Variants in SGCD observed in about 807,000 individuals in gnomAD.
The protein encoded by SGCD is sarcoglycan delta, also known as delta-sarcoglycan.
SGCD carries 18 observed loss-of-function variants against 36.6 expected under a neutral mutation model. The observed-to-expected ratio is 0.49, with a 90% confidence interval of 0.34 to 0.73. The LOEUF is 0.73. Ranked by LOEUF, SGCD falls within the 30% of genes least tolerant of loss-of-function variation. SGCD has a pLI of 0.01. For missense variants in SGCD, 387 were observed against 346.7 expected (o/e 1.12, Z -0.92); for synonymous variants, 133 against 130.6 (o/e 1.02, Z -0.12).
At chr5:156,634,978 C>T (rs577193605) in intron 6 of SGCD, among the ~76,000 whole-genome samples, 2 of 152,230 alleles carry the variant, frequency 1.3e-5, no homozygotes, top group East Asian at 3.9e-4. Context: ...AATCCCAATG[C>T]TTTGACGGCT....
At chr5:156,619,280 C>G (rs1157367282) in intron 6 of SGCD, among the ~76,000 whole-genome samples, 1 of 152,132 alleles carries the variant, frequency 6.6e-6, no homozygotes, top group Non-Finnish European at 1.5e-5. Context: ...CCACCTCGGC[C>G]TCCCAAAGTG....
At chr5:155,876,636 A>G (rs144039780) in intron 1 of SGCD, among the ~76,000 whole-genome samples, 2 of 152,014 alleles carry the variant, frequency 1.3e-5, no homozygotes, top group Non-Finnish European at 2.9e-5. Flanking sequence ...TTCTTCCTTG[A>G]TATTCTCTAT....
intron 3 of SGCD, among the ~76,000 whole-genome samples, chr5:156,345,696 TAACAAACCAAGA>T (rs147474879): frequency 2.4e-4 from 37 of 152,024 alleles, no homozygotes; most frequent in Non-Finnish European, 3.2e-4. Context: ...AAAAAACAAA[TAACAAACCAAGA>T]AACAAACCAA....
chr5:155,819,030 T>C, the SGCD span, among the ~76,000 whole-genome samples: 1 of 152,190 alleles, frequency 6.6e-6, no homozygotes, highest in Non-Finnish European at 1.5e-5. Flanking sequence ...GAAAGAGAAC[T>C]AGACTGAGTG....
intron 3 of SGCD, among the ~76,000 whole-genome samples, chr5:156,292,909 G>C (rs1038473385): frequency 6.6e-6 from 1 of 152,012 alleles, no homozygotes; most frequent in African/African-American, 2.4e-5. Context: ...TTGGAGAAAT[G>C]TCTGTTTGTG....
intron 6 of SGCD, among the ~76,000 whole-genome samples, chr5:156,641,289 T>C (rs1763016956): frequency 6.6e-6 from 1 of 152,192 alleles, no homozygotes; most frequent in Non-Finnish European, 1.5e-5. Context: ...AGTATTTAAA[T>C]ATCAGATTGT....
the SGCD span, among the ~76,000 whole-genome samples, chr5:155,814,406 T>C: frequency 6.6e-6 from 1 of 152,230 alleles, no homozygotes; most frequent in Non-Finnish European, 1.5e-5. Flanking sequence ...TTCTCATTGC[T>C]CCTTCTGTTT....
intron 1 of SGCD, among the ~76,000 whole-genome samples, chr5:155,903,872 C>A (rs1013688782): frequency 6.6e-6 from 1 of 152,110 alleles, no homozygotes; most frequent in Non-Finnish European, 1.5e-5. Context: ...ACTTACTGTG[C>A]GTGTTCTCCT....
intron 3 of SGCD, among the ~76,000 whole-genome samples, chr5:156,374,375 CA>C (rs1770547646): frequency 6.6e-6 from 1 of 152,040 alleles, no homozygotes; most frequent in Non-Finnish European, 1.5e-5. Flanking sequence ...TAGCATAACG[CA>C]AAAGTAATCT....
chr5:156,237,128 C>T (rs776716189), intron 3 of SGCD, among the ~76,000 whole-genome samples: 41 of 151,994 alleles, frequency 2.7e-4, no homozygotes, highest in Non-Finnish European at 5.6e-4. Context: ...AGCCACTATG[C>T]CTGGCCTGAG....
the SGCD span, among the ~76,000 whole-genome samples, chr5:155,840,966 G>T: frequency 8.0e-6 from 1 of 124,846 alleles, no homozygotes; most frequent in Non-Finnish European, 1.6e-5. Context: ...AGTCAAGATC[G>T]CACCACTATA....
At chr5:156,447,257 A>C (rs1241507971) in intron 3 of SGCD, among the ~76,000 whole-genome samples, 4 of 152,220 alleles carry the variant, frequency 2.6e-5, no homozygotes, top group Admixed American at 2.0e-4. Flanking sequence ...TTCTGTACAG[A>C]TAGAACCATA....
chr5:156,092,034 T>G (rs1303390007), intron 1 of SGCD, among the ~76,000 whole-genome samples: 1 of 152,118 alleles, frequency 6.6e-6, no homozygotes, highest in East Asian at 1.9e-4. Context: ...CTTCTGGGGG[T>G]CCAGCAATCC....
At chr5:156,457,431 C>T (rs928323763) in intron 3 of SGCD, among the ~76,000 whole-genome samples, 5 of 152,094 alleles carry the variant, frequency 3.3e-5, no homozygotes, top group African/African-American at 1.2e-4. Flanking sequence ...GAGTCATTTC[C>T]ATAAAAAGCA....
intron 4 of SGCD, among the ~76,000 whole-genome samples, chr5:156,554,825 C>T (rs1055836111): frequency 5.9e-5 from 9 of 151,914 alleles, no homozygotes; most frequent in Non-Finnish European, 7.4e-5. Context: ...AAGTGTTTTC[C>T]ACAGTAGCTG....
chr5:156,754,351 A>G (rs1447478519), intron 7 of SGCD, among the ~76,000 whole-genome samples: 1 of 152,186 alleles, frequency 6.6e-6, no homozygotes, highest in South Asian at 2.1e-4. Flanking sequence ...TCTATGTACC[A>G]AGTTTGAACA....
rs568450154 is a variant in SGCD, at chr5:155,874,855, A to G, written c.-282+4431A>G. Among the ~76,000 whole-genome samples the G allele has an allele frequency of 5.9e-5, 9 of 152,278 alleles. No individual in the cohort carries two copies. The South Asian group carries it at 1.7e-3, about 28-fold the overall frequency. On this transcript the variant is annotated intron_variant, in intron 1 of 9. Coordinates refer to the SGCD transcript ENST00000517913. The stretch of plus-strand genomic sequence containing the variant: ...CCACTGCTTTGGAAAACAGTTTAAC[A>G]GTTTTCGAAGAAGTTAAACTTAAAA...
At chr5:156,125,839 TTTATTATTATTATTATTATTATTA>T (rs144493356) in intron 3 of SGCD, among the ~76,000 whole-genome samples, 5 of 131,486 alleles carry the variant, frequency 3.8e-5, no homozygotes, top group East Asian at 2.2e-4. Context: ...CACTCATTCT[TTTATTATTATTATTATTATTATTA>T]TTATTATTAT....
At chr5:156,351,602 A>AGTC (rs972109393) in intron 3 of SGCD, among the ~76,000 whole-genome samples, 1 of 114,928 alleles carries the variant, frequency 8.7e-6, no homozygotes, top group African/African-American at 3.6e-5. Context: ...CTATCGTCGT[A>AGTC]GTCATCATCA....
Sources: gnomAD v4.1 joint callset for allele counts (sites outside exome capture counted in the v4.1 genomes callset) on GRCh38, gnomAD v4.1.1 for gene constraint, MANE v1.5 for transcripts, NCBI Gene and HGNC (gene_info 2026-07-23, HGNC 2026-07-21) for gene names.